The following JAKMIP2 variants were observed in gnomAD, a reference collection of about 807,000 sequenced individuals.
The protein encoded by JAKMIP2 is janus kinase and microtubule interacting protein 2.
Under a neutral mutation model 115.0 loss-of-function variants are expected in JAKMIP2, and 25 were observed. The observed-to-expected ratio is 0.22, with a 90% CI of 0.16 to 0.30. The LOEUF (loss-of-function observed/expected upper bound fraction) is 0.30. JAKMIP2 is among the 10% of genes least tolerant of loss of function. The pLI is 1.00. For synonymous variants in JAKMIP2, 334 were observed against 343.6 expected, an observed-to-expected ratio of 0.97 and a Z score of 0.31; for missense variants, 642 against 957.6, an observed-to-expected ratio of 0.67 and a Z score of 4.35.
intron 1 of JAKMIP2, among the ~76,000 whole-genome samples, chr5:147,744,426 G>T (rs985895871): frequency 6.6e-6 from 1 of 152,048 alleles, no homozygotes; most frequent in African/African-American, 2.4e-5. Flanking sequence ...ATTCTCCAAG[G>T]CCAAGTAAGG....
chr5:147,739,744 G>GA (rs934129155), intron 1 of JAKMIP2, among the ~76,000 whole-genome samples: 2 of 152,030 alleles, frequency 1.3e-5, no homozygotes, highest in Non-Finnish European at 2.9e-5. Flanking sequence ...TAGAGGGTGA[G>GA]AAAAAAGACA....
intron 1 of JAKMIP2, among the ~76,000 whole-genome samples, chr5:147,699,030 C>G (rs1752220192): frequency 6.6e-6 from 1 of 152,182 alleles, no homozygotes; most frequent in Admixed American, 6.5e-5. Flanking sequence ...CACTGCCTAC[C>G]TTTTCCTGTA....
At chr5:147,631,558 T>A in intron 13 of JAKMIP2, 47 bp from the exon 14 acceptor site, 1 of 1,209,512 alleles carries the variant, frequency 8.3e-7, no homozygotes, top group Non-Finnish European at 1.2e-6. Flanking sequence ...CAAAACTGAT[T>A]AATTAAACAC....
At chr5:147,632,481 G>A (rs1757409847) in intron 13 of JAKMIP2, among the ~76,000 whole-genome samples, 199 bp downstream of exon 13, 1 of 152,090 alleles carries the variant, frequency 6.6e-6, no homozygotes, top group African/African-American at 2.4e-5. Flanking sequence ...TTGCATCAGA[G>A]CTTTACCACT....
chr5:147,675,783 A>ATTTT (rs1245892919), intron 1 of JAKMIP2, among the ~76,000 whole-genome samples: 53 of 99,184 alleles, frequency 5.3e-4, no homozygotes, highest in Non-Finnish European at 7.7e-4. Flanking sequence ...ATCATATGAC[A>ATTTT]TTTTTTTTTT....
intron 1 of JAKMIP2, among the ~76,000 whole-genome samples, chr5:147,674,116 A>G (rs1348242033): frequency 2.6e-5 from 4 of 152,210 alleles, no homozygotes; most frequent in African/African-American, 9.7e-5. Context: ...TGTCTTTGTT[A>G]CATTAGTCCC....
At chr5:147,774,616 G>C (rs998552581) in intron 1 of JAKMIP2, among the ~76,000 whole-genome samples, 1 of 152,072 alleles carries the variant, frequency 6.6e-6, no homozygotes, top group Non-Finnish European at 1.5e-5. Context: ...TTGGAAAATA[G>C]GTTCAAATTA....
rs567230375 is a variant in JAKMIP2, at chr5:147,702,896, T to C, written c.-148-30942A>G. 3.9e-5 allele frequency among the ~76,000 whole-genome samples: 6 copies of C among 152,264 alleles called. No individual in the cohort carries two copies. In the South Asian group the frequency reaches 1.2e-3, roughly 32 times the overall value. ...AAAGAAAGACTCCTCATAAATATAC[T>C]TGGGAAACTCTGCAATAAATGGGAT... On this transcript the variant is annotated intron_variant, in intron 1 of 21. Coordinates refer to ENST00000616793, the MANE Select transcript of JAKMIP2 (RefSeq NM_001270941.2).
intron 2 of JAKMIP2, among the ~76,000 whole-genome samples, chr5:147,666,890 C>G (rs1408313017): frequency 1.3e-5 from 2 of 152,054 alleles, no homozygotes; most frequent in East Asian, 3.9e-4. Flanking sequence ...ACTATTAATA[C>G]ATGGTGGATA....
intron 20 of JAKMIP2, 82 bp downstream of exon 20, chr5:147,612,224 C>T: frequency 1.1e-6 from 1 of 949,072 alleles, no homozygotes; most frequent in Non-Finnish European, 1.7e-6. Flanking sequence ...ACTGAGAAGC[C>T]AGGAAGAAAA....
At chr5:147,616,667 T>C (rs1162621655) in intron 19 of JAKMIP2, among the ~76,000 whole-genome samples, 1 of 152,220 alleles carries the variant, frequency 6.6e-6, no homozygotes, top group African/African-American at 2.4e-5. Flanking sequence ...AATGATGGCA[T>C]AGAGTCTATT....
chr5:147,703,732 T>TAACTTGTTTACTTC (rs1339823260), intron 1 of JAKMIP2, among the ~76,000 whole-genome samples: 1 of 152,022 alleles, frequency 6.6e-6, no homozygotes, highest in East Asian at 1.9e-4. Context: ...GCCTTTACTT[T>TAACTTGTTTACTTC]AACTTGTTTA....
At chr5:147,678,959 T>TTTTATTTATTTATTTA (rs60338770) in intron 1 of JAKMIP2, among the ~76,000 whole-genome samples, 1 of 147,900 alleles carries the variant, frequency 6.8e-6, no homozygotes, top group Non-Finnish European at 1.5e-5. Context: ...CCAACTACAT[T>TTTTATTTATTTATTTA]TTTATTTATT....
intron 1 of JAKMIP2, among the ~76,000 whole-genome samples, chr5:147,681,015 C>T (rs1580771422): frequency 1.3e-5 from 2 of 152,080 alleles, no homozygotes; most frequent in South Asian, 2.1e-4. Context: ...TGTATGAAAT[C>T]GCTGTCTTTA....
intron 21 of JAKMIP2, among the ~76,000 whole-genome samples, chr5:147,592,358 G>C (rs1755140989): frequency 6.6e-6 from 1 of 152,130 alleles, no homozygotes; most frequent in Admixed American, 6.5e-5. Context: ...CTAAAGTCCT[G>C]ATTGAAGAAC....
chr5:147,682,874 C>G (rs968996788), intron 1 of JAKMIP2, among the ~76,000 whole-genome samples: 1 of 152,208 alleles, frequency 6.6e-6, no homozygotes, highest in Non-Finnish European at 1.5e-5. Flanking sequence ...ATCATAGTAA[C>G]AAGCTTAATT....
intron 1 of JAKMIP2, among the ~76,000 whole-genome samples, chr5:147,717,324 T>C (rs1317453649): frequency 1.4e-5 from 2 of 146,260 alleles, no homozygotes; most frequent in African/African-American, 5.1e-5. Context: ...GACTTGGCAA[T>C]GCGGGCTCTT....
chr5:147,734,912 CA>C (rs1753863946), intron 1 of JAKMIP2, among the ~76,000 whole-genome samples: 1 of 152,108 alleles, frequency 6.6e-6, no homozygotes, highest in South Asian at 2.1e-4. Flanking sequence ...GTAAAGTGGA[CA>C]GATGGAGGAG....
intron 1 of JAKMIP2, among the ~76,000 whole-genome samples, chr5:147,769,318 G>A (rs1189231313): frequency 1.3e-5 from 2 of 152,052 alleles, no homozygotes; most frequent in Admixed American, 1.3e-4. Flanking sequence ...TCTAAACTAC[G>A]GAGAGGGCGG....
Sources: gnomAD v4.1 joint callset for allele counts (sites outside exome capture counted in the v4.1 genomes callset) on GRCh38, gnomAD v4.1.1 for gene constraint, MANE v1.5 for transcripts, NCBI Gene and HGNC (gene_info 2026-07-23, HGNC 2026-07-21) for gene names.